Variants in SMARCC1 observed in about 807,000 individuals in gnomAD.
The protein encoded by SMARCC1 is SWI/SNF complex subunit SMARCC1.
SMARCC1 carries 43 observed loss-of-function variants against 147.4 expected under a neutral mutation model. That is an observed-to-expected ratio of 0.29 (90% confidence interval 0.23 to 0.38). SMARCC1 has a LOEUF of 0.38. SMARCC1 is among the 10% of genes least tolerant of loss of function. The probability of loss-of-function intolerance (pLI) is 1.00; values close to 1 mark genes in which losing one functional copy is unlikely to be tolerated. For synonymous variants in SMARCC1, 495 were observed against 484.4 expected (o/e 1.02, Z -0.29); for missense variants, 1,119 against 1,381.1 (o/e 0.81, Z 3.01).
chr3:47,773,422 A>G (rs2034939247), intron 1 of SMARCC1, among the ~76,000 whole-genome samples: 1 of 152,002 alleles, frequency 6.6e-6, no homozygotes, highest in Admixed American at 6.6e-5. Context: ...TACCAAAAAA[A>G]AAAAAAAAAA....
intron 2 of SMARCC1, among the ~76,000 whole-genome samples, chr3:47,763,934 G>A (rs1416953012): frequency 6.6e-6 from 1 of 151,502 alleles, no homozygotes; most frequent in Non-Finnish European, 1.5e-5. Context: ...GTCCAGGCTG[G>A]TCTCAAACTC....
At chr3:47,772,233 T>C (rs1234749904) in intron 2 of SMARCC1, among the ~76,000 whole-genome samples, 1 of 151,778 alleles carries the variant, frequency 6.6e-6, no homozygotes, top group Non-Finnish European at 1.5e-5. Context: ...ACTACAGAAA[T>C]TTAAAAGTCA....
At chr3:47,762,485 A>T (rs2034784463) in intron 2 of SMARCC1, among the ~76,000 whole-genome samples, 1 of 152,222 alleles carries the variant, frequency 6.6e-6, no homozygotes, top group Non-Finnish European at 1.5e-5. Flanking sequence ...ATGAACTGTG[A>T]CTCATCTAAA....
chr3:47,671,196 A>AAAAACAAAAC (rs753672169), intron 18 of SMARCC1, among the ~76,000 whole-genome samples: 1 of 81,144 alleles, frequency 1.2e-5, no homozygotes, highest in African/African-American at 4.0e-5. Flanking sequence ...AAAAAAAAAA[A>AAAAACAAAAC]AACACACACA....
chr3:47,639,011 AG>A (rs1254198702), intron 21 of SMARCC1, among the ~76,000 whole-genome samples: 1 of 152,204 alleles, frequency 6.6e-6, no homozygotes, highest in African/African-American at 2.4e-5. Context: ...AGTGGTTAAC[AG>A]GGGGAAGGGG....
chr3:47,732,970 T>C (rs2034393602), intron 5 of SMARCC1, among the ~76,000 whole-genome samples: 1 of 151,690 alleles, frequency 6.6e-6, no homozygotes, highest in Admixed American at 6.6e-5. Flanking sequence ...TAGCCAGATG[T>C]GGTGGCGGGT....
intron 5 of SMARCC1, among the ~76,000 whole-genome samples, chr3:47,732,843 C>T (rs1006117976): frequency 6.6e-6 from 1 of 152,172 alleles, no homozygotes; most frequent in Non-Finnish European, 1.5e-5. Flanking sequence ...GGCGCGGTGG[C>T]TCACACCTGT....
At position 47,736,130 on chromosome 3, in the gene SMARCC1, AG is replaced by A; in HGVS notation, c.484-5del. On this transcript the variant is annotated splice_region_variant and splice_polypyrimidine_tract_variant and intron_variant, in intron 4 of 27. Transcript: ENST00000254480. ...TGGGTCTGGTCAAACAATTGTTCTG[AG>A]GATGAAAAGAACAGACTTTCAAATT... The A allele has an allele frequency of 1.3e-6, 2 of 1,510,170 alleles. No homozygotes were observed. Among genetic ancestry groups the A allele is most frequent in the Non-Finnish European group, 1.8e-6 (2 of 1,098,538 alleles). 93.5% of individuals were successfully genotyped at this position (1,510,170 alleles called of 1,614,324 possible).
At chr3:47,604,106 G>A (rs1323609307) in intron 26 of SMARCC1, 3 of 456,754 alleles carry the variant, frequency 6.6e-6, no homozygotes, top group Non-Finnish European at 8.8e-6. Flanking sequence ...AATATGTACA[G>A]GTGCCAGCTT....
intron 24 of SMARCC1, among the ~76,000 whole-genome samples, chr3:47,630,432 C>A (rs1053291492): frequency 1.3e-5 from 2 of 152,106 alleles, no homozygotes; most frequent in African/African-American, 4.8e-5. Context: ...GGGTTGGGGA[C>A]CCCTGATATA....
At chr3:47,622,416 T>C in intron 24 of SMARCC1, 75 bp from the exon 25 acceptor site, 18 of 1,364,290 alleles carry the variant, frequency 1.3e-5, no homozygotes, top group Non-Finnish European at 1.9e-5. Context: ...CTGACAATAT[T>C]CAAAGTAGAG....
intron 26 of SMARCC1, among the ~76,000 whole-genome samples, chr3:47,601,963 G>A (rs886156743): frequency 1.3e-5 from 2 of 152,090 alleles, no homozygotes; most frequent in African/African-American, 4.8e-5. Context: ...GCTTCCCAAA[G>A]TGCTAGGATT....
At position 47,724,875 on chromosome 3, in the gene SMARCC1, C is replaced by T. The variant is rs570653969; in HGVS notation, c.647-4140G>A. ...AGGAGTTTGAAACCAGCCTTGGCAA[C>T]ATATCTCTACAAAAATTGTTTTTAA... On this transcript the variant is annotated intron_variant, in intron 6 of 27. Transcript: ENST00000254480. Among the ~76,000 whole-genome samples the T allele has an allele frequency of 5.3e-5, 8 of 151,998 alleles. No individual in the cohort carries two copies. In the South Asian group the frequency reaches 1.7e-3, roughly 32 times the overall value.
chr3:47,595,442 G>A (rs1355421729), intron 26 of SMARCC1, among the ~76,000 whole-genome samples: 1 of 151,906 alleles, frequency 6.6e-6, no homozygotes, highest in African/African-American at 2.4e-5. Context: ...CAGGAGAATC[G>A]CTTGAACCGG....
intron 21 of SMARCC1, among the ~76,000 whole-genome samples, chr3:47,647,778 T>A (rs1197671705): frequency 1.3e-5 from 2 of 152,178 alleles, no homozygotes; most frequent in African/African-American, 4.8e-5. Flanking sequence ...CAATACACAG[T>A]CCAAGCTCAC....
chr3:47,705,896 C>T (rs1158107490), intron 10 of SMARCC1, among the ~76,000 whole-genome samples: 1 of 152,060 alleles, frequency 6.6e-6, no homozygotes, highest in Non-Finnish European at 1.5e-5. Context: ...TCATTTAACC[C>T]TCAAAACAAT....
At chr3:47,677,642 CCT>C (rs2033591330) in intron 16 of SMARCC1, among the ~76,000 whole-genome samples, 1 of 150,392 alleles carries the variant, frequency 6.6e-6, no homozygotes, top group African/African-American at 2.4e-5. Flanking sequence ...ATCTCTGTCT[CCT>C]GAGTTCTCCT....
intron 21 of SMARCC1, among the ~76,000 whole-genome samples, chr3:47,654,034 C>G (rs2033226625): frequency 6.6e-6 from 1 of 152,190 alleles, no homozygotes; most frequent in Non-Finnish European, 1.5e-5. Context: ...TCAAAACCCA[C>G]TAAACTAGAA....
chr3:47,711,330 T>C (rs999170077), intron 8 of SMARCC1, among the ~76,000 whole-genome samples: 1 of 152,186 alleles, frequency 6.6e-6, no homozygotes, highest in Non-Finnish European at 1.5e-5. Context: ...TTTAATTTCA[T>C]GCTTCTGAGT....
Sources: allele counts gnomAD v4.1 joint callset (sites outside exome capture counted in the v4.1 genomes callset), GRCh38; gene constraint gnomAD v4.1.1; transcripts MANE v1.5; gene names NCBI Gene and HGNC (gene_info 2026-07-23, HGNC 2026-07-21).